Variants in ZFHX3 observed in about 807,000 individuals in gnomAD.
ZFHX3 encodes the protein zinc finger homeobox 3, also known as zinc finger homeobox protein 3.
A neutral mutation model predicts 279.1 loss-of-function variants in ZFHX3; 42 were observed. That is an observed-to-expected ratio of 0.15 (90% confidence interval 0.12 to 0.19). The LOEUF (loss-of-function observed/expected upper bound fraction) is 0.19, where lower values mean the gene tolerates loss of function less well. ZFHX3 is among the 10% of genes least tolerant of loss of function. The probability of loss-of-function intolerance (pLI) is 1.00; values close to 1 mark genes in which losing one functional copy is unlikely to be tolerated. For synonymous variants in ZFHX3, 2,293 were observed against 1,957.8 expected (o/e 1.17, Z -4.52); for missense variants, 4,981 against 4,754.0 (o/e 1.05, Z -1.40).
rs1307911618 is a variant in ZFHX3 at position 73,886,338 on chromosome 16, C to A, written c.-1608+5313G>T. ...ACACCATTCCCATTATTTGAGGACA[C>A]AAATTAACAGTCAGATAACCTCAAA... On this transcript the variant is annotated intron_variant, in intron 1 of 17. Transcript: ENST00000641206. 2.0e-5 allele frequency among the ~76,000 whole-genome samples: 3 copies of A among 152,064 alleles called. No individual in the cohort carries two copies. The East Asian group carries it at 5.8e-4, about 29-fold the overall frequency.
intron 1 of ZFHX3, among the ~76,000 whole-genome samples, chr16:73,682,990 GAA>G (rs68142284): frequency 7.0e-5 from 2 of 28,394 alleles, no homozygotes; most frequent in Non-Finnish European, 1.4e-4. Context: ...AAGAAAGAAA[GAA>G]AAGAAAGAAA....
intron 5 of ZFHX3, among the ~76,000 whole-genome samples, chr16:73,177,672 G>C (rs572165638): frequency 4.4e-4 from 67 of 152,282 alleles, no homozygotes; most frequent in Non-Finnish European, 7.4e-4. Flanking sequence ...ACAATTTTTT[G>C]GGTAGTGGAC....
At chr16:73,048,789 T>C (rs1018782083), upstream of ZFHX3, among the ~76,000 whole-genome samples, 3 of 152,230 alleles carry the variant, frequency 2.0e-5, no homozygotes, top group South Asian at 2.1e-4. Flanking sequence ...CAGAAACTTA[T>C]AAAAACATCC....
At chr16:73,812,178 T>G (rs1238264323) in intron 1 of ZFHX3, among the ~76,000 whole-genome samples, 1 of 152,108 alleles carries the variant, frequency 6.6e-6, no homozygotes, top group Non-Finnish European at 1.5e-5. Context: ...AAGGGCTGTA[T>G]TCTCTAGGTA....
intron 8 of ZFHX3, among the ~76,000 whole-genome samples, chr16:73,084,084 G>C (rs1233449399): frequency 2.0e-5 from 3 of 152,182 alleles, no homozygotes; most frequent in African/African-American, 7.2e-5. Context: ...CAATGCACAA[G>C]ACACATTACC....
intron 4 of ZFHX3, among the ~76,000 whole-genome samples, chr16:73,299,305 G>C (rs533342180): frequency 6.6e-6 from 1 of 152,168 alleles, no homozygotes; most frequent in South Asian, 2.1e-4. Flanking sequence ...GGGACATTTT[G>C]CTTGGAGTTC....
In ZFHX3 at chr16:73,581,659, CTTTTTTTTTTTTT is replaced by C. The variant is rs11286052; in HGVS notation, c.-1547+98508_-1547+98520del. On this transcript the variant is annotated intron_variant, in intron 2 of 17. Transcript: ENST00000641206. ...GTCAAGCATAAAACTTCGAATGTCT[CTTTTTTTTTTTTT>C]TTTTTTTTTTTTTTTTGAGATGGAA... Among the ~76,000 whole-genome samples the C allele has an allele frequency of 6.4e-4, 47 of 73,424 alleles. 3 individuals are homozygous for C. The East Asian group carries it at 8.3e-3, about 13-fold the overall frequency. 48.2% of individuals were successfully genotyped at this position (73,424 alleles called of 152,430 possible).
chr16:73,787,403 C>A lies in ZFHX3; in HGVS notation c.-1608+104248G>T, dbSNP rs406349. The stretch of plus-strand genomic sequence containing the variant: ...ATCAACCTCAGCAAGCGGCCCCATG[C>A]GTCCCATTTTGGATGACTGAAGAAA... On this transcript the variant is annotated intron_variant, in intron 1 of 17. Transcript: ENST00000641206. Among the ~76,000 whole-genome samples the A allele has an allele frequency of 1.0e-3, 152 of 152,272 alleles. 1 individual carries two copies. The East Asian group carries it at 0.024, about 24-fold the overall frequency.
intron 4 of ZFHX3, among the ~76,000 whole-genome samples, chr16:73,275,353 T>C (rs2014266388): frequency 6.6e-6 from 1 of 152,074 alleles, no homozygotes; most frequent in Non-Finnish European, 1.5e-5. Context: ...CCCTCTTAGG[T>C]TTTCAAAAGG....
In ZFHX3 at chr16:73,582,957, T is replaced by A. The variant is rs546735826; in HGVS notation, c.-1547+97223A>T. Among the ~76,000 whole-genome samples the A allele has an allele frequency of 2.0e-5, 3 of 152,344 alleles. No homozygotes were observed. The South Asian group carries it at 6.2e-4, about 32-fold the overall frequency. On this transcript the variant is annotated intron_variant, in intron 2 of 17. Transcript: ENST00000641206. ...TGGTCATTGTTGTACTGCCTTGTTT[T>A]AAGTAAACTGTAGCATTTGACTAAT... is the stretch of plus-strand genomic sequence containing the variant.
chr16:73,026,684 A>AC (rs1555543111), intron 1 of ZFHX3, among the ~76,000 whole-genome samples: 4 of 151,790 alleles, frequency 2.6e-5, no homozygotes, highest in African/African-American at 9.7e-5. Flanking sequence ...AAAAAAAAAA[A>AC]AAAAAAAAAA....
chr16:73,509,999 G>C (rs2019401486), intron 2 of ZFHX3, among the ~76,000 whole-genome samples: 1 of 152,086 alleles, frequency 6.6e-6, no homozygotes, highest in South Asian at 2.1e-4. Flanking sequence ...CCCGGCCTTT[G>C]CCTGTCTCAA....
At chr16:73,757,653 ATAT>A (rs1459865103) in intron 1 of ZFHX3, among the ~76,000 whole-genome samples, 1 of 152,130 alleles carries the variant, frequency 6.6e-6, no homozygotes, top group East Asian at 1.9e-4. Context: ...ACCCCAAACG[ATAT>A]TATTATTATG....
At chr16:72,839,630 ACC>A (rs796514539) in intron 4 of ZFHX3, among the ~76,000 whole-genome samples, 10 of 150,812 alleles carry the variant, frequency 6.6e-5, no homozygotes, top group Non-Finnish European at 1.5e-4. Context: ...ATAAAGCCCC[ACC>A]CCCCCCAAAA....
chr16:73,093,627 A>G (rs1332824856), intron 7 of ZFHX3: 1 of 497,622 alleles, frequency 2.0e-6, no homozygotes, highest in South Asian at 1.5e-5. Flanking sequence ...GAGAAGGATG[A>G]GTGAACTCGG....
chr16:73,234,696 C>T (rs547113850), intron 5 of ZFHX3, among the ~76,000 whole-genome samples: 3 of 152,246 alleles, frequency 2.0e-5, no homozygotes, highest in African/African-American at 2.4e-5. Flanking sequence ...TTAATAATAT[C>T]GAGAATGAAC....
intron 1 of ZFHX3, among the ~76,000 whole-genome samples, chr16:73,733,468 C>A (rs892092881): frequency 1.3e-5 from 2 of 152,002 alleles, no homozygotes; most frequent in Non-Finnish European, 2.9e-5. Context: ...TTTTTATATA[C>A]CCCCAAATTA....
At chr16:73,450,514 G>A (rs1183875452) in intron 3 of ZFHX3, among the ~76,000 whole-genome samples, 2 of 152,074 alleles carry the variant, frequency 1.3e-5, no homozygotes, top group Admixed American at 1.3e-4. Context: ...ACGTGTTTGT[G>A]GTTTTCATCT....
At chr16:72,949,581 A>AG (rs1960874915) in intron 3 of ZFHX3, among the ~76,000 whole-genome samples, 1 of 151,968 alleles carries the variant, frequency 6.6e-6, no homozygotes, top group Non-Finnish European at 1.5e-5. Context: ...TATGGAGTAG[A>AG]GGGAAGGGCT....
Sources: gnomAD v4.1 joint callset for allele counts (sites outside exome capture counted in the v4.1 genomes callset) on GRCh38, gnomAD v4.1.1 for gene constraint, MANE v1.5 for transcripts, NCBI Gene and HGNC (gene_info 2026-07-23, HGNC 2026-07-21) for gene names.